The following SHROOM3 variants were observed in gnomAD, a reference collection of about 807,000 sequenced individuals.
The protein encoded by SHROOM3 is protein Shroom3.
SHROOM3 carries 47 observed loss-of-function variants against 138.6 expected under a neutral mutation model. The observed-to-expected ratio is 0.34, with a 90% CI of 0.27 to 0.43. The LOEUF (loss-of-function observed/expected upper bound fraction) is 0.43. Ranked by LOEUF, SHROOM3 falls within the 20% of genes least tolerant of loss-of-function variation. The pLI, the probability that SHROOM3 is intolerant of heterozygous loss-of-function variation, is 1.00. For missense variants in SHROOM3, 2,491 were observed against 2,596.5 expected, an observed-to-expected ratio of 0.96 and a Z score of 0.88; for synonymous variants, 1,062 against 1,063.3, an observed-to-expected ratio of 1.00 and a Z score of 0.02.
In SHROOM3 at chr4:76,710,207, C is replaced by T. The variant is rs755525934; in HGVS notation, c.375C>T (p.Val125=). Reference sequence around the variant, plus strand: ...CAGATACTGGTGCCTCTAACTTCGTCAGCCCAGAACACCTCACCTCTGGCC... The same window carrying T: ...CAGATACTGGTGCCTCTAACTTCGTTAGCCCAGAACACCTCACCTCTGGCC... ...GHADTGASNF[V]SPEHLTSGPQ... is the part of the protein sequence containing the mutation. Residue 125 remains valine, a synonymous_variant, in exon 3 of 11, where the codon GTC becomes GTT. Coordinates refer to ENST00000296043, the MANE Select transcript of SHROOM3 (RefSeq NM_020859.4). 2 of 1,614,070 alleles carry T rather than the reference C, an allele frequency of 1.2e-6. No homozygotes were observed. The highest frequency in any genetic ancestry group is 3.3e-5 in the Admixed American group (2 of 60,002).
At chr4:76,667,782 C>T (rs1442584720) in intron 2 of SHROOM3, among the ~76,000 whole-genome samples, 1 of 150,668 alleles carries the variant, frequency 6.6e-6, no homozygotes, top group Non-Finnish European at 1.5e-5. Context: ...TCCTGGCCAA[C>T]ACGCTGAAAC....
chr4:76,599,661 C>T (rs909298700), intron 2 of SHROOM3, among the ~76,000 whole-genome samples: 1 of 152,140 alleles, frequency 6.6e-6, no homozygotes, highest in Non-Finnish European at 1.5e-5. Context: ...GGTTTGAATT[C>T]CTAGTTCATC....
chr4:76,730,774 T>C (rs906034225), intron 3 of SHROOM3, 30 bp from the exon 4 acceptor site: 7 of 1,613,462 alleles, frequency 4.3e-6, no homozygotes, highest in Admixed American at 3.3e-5. Flanking sequence ...CTTTGGCTAA[T>C]GTTGGGGGGT....
intron 2 of SHROOM3, among the ~76,000 whole-genome samples, chr4:76,692,098 G>A (rs763295091): frequency 3.9e-5 from 6 of 152,190 alleles, no homozygotes; most frequent in Non-Finnish European, 7.3e-5. Flanking sequence ...TCACTGAGAG[G>A]GGTTCACTTT....
chr4:76,739,998 C>G lies in SHROOM3; in HGVS notation c.1825C>G (p.Gln609Glu). 6.2e-7 allele frequency: 1 copy of G among 1,614,050 alleles called. No individual in the cohort carries two copies. Among genetic ancestry groups the G allele is most frequent in the Non-Finnish European group, 8.5e-7 (1 of 1,180,046 alleles). Residue 609 changes from glutamine (Q) to glutamate (E), a missense_variant, in exon 5 of 11, where the codon CAG becomes GAG. Physicochemically the swap from Gln to Glu is conservative, Grantham distance 29 (BLOSUM62 2). This residue lies in a region of SHROOM3 where 1,733 missense variants were observed against 1,661.6 expected (regional missense o/e 1.04). Coordinates refer to ENST00000296043, the MANE Select transcript of SHROOM3 (RefSeq NM_020859.4). ...CCACAGCCTCAAATGCCCTCAGGCT[C>G]AGGCCTGGCAAGCGGGTGAAGACAA... ...HPHSLKCPQA[Q>E]AWQAGEDKRS...
intron 2 of SHROOM3, among the ~76,000 whole-genome samples, chr4:76,602,860 C>T (rs1330541795): frequency 6.6e-6 from 1 of 152,088 alleles, no homozygotes; most frequent in Non-Finnish European, 1.5e-5. Flanking sequence ...GTTTCCTTAT[C>T]TTCAAAATGA....
rs150742877 is a variant in SHROOM3, at chr4:76,533,008, G to A, written c.169-22601G>A. Among the ~76,000 whole-genome samples the A allele has an allele frequency of 2.2e-3, 339 of 152,314 alleles. 2 individuals carry two copies. The highest frequency in any genetic ancestry group is 7.8e-3 in the African/African-American group (323 of 41,572). On this transcript the variant is annotated intron_variant, in intron 1 of 10. Coordinates refer to ENST00000296043, the MANE Select transcript of SHROOM3 (RefSeq NM_020859.4). The stretch of plus-strand genomic sequence containing the variant: ...CTATAGTGTGGATACACTGGACAAA[G>A]GGAGGATTCACTTCCCTGGGCCCAG...
At chr4:76,585,211 G>C (rs1007036900) in intron 2 of SHROOM3, among the ~76,000 whole-genome samples, 7 of 152,078 alleles carry the variant, frequency 4.6e-5, no homozygotes, top group African/African-American at 1.7e-4. Flanking sequence ...GTGGGGAGGG[G>C]GGCATGCTCC....
intron 3 of SHROOM3, among the ~76,000 whole-genome samples, chr4:76,712,822 A>G (rs1720270397): frequency 6.6e-6 from 1 of 152,208 alleles, no homozygotes; most frequent in Admixed American, 6.5e-5. Context: ...AACATACTAG[A>G]GTGCACTTAC....
intron 2 of SHROOM3, among the ~76,000 whole-genome samples, chr4:76,700,775 T>C (rs1408602929): frequency 1.3e-5 from 2 of 151,686 alleles, no homozygotes; most frequent in Non-Finnish European, 1.5e-5. Flanking sequence ...TTTCTTTCTT[T>C]CTTTTATTTA....
At chr4:76,468,186 G>C (rs1389654133) in intron 1 of SHROOM3, among the ~76,000 whole-genome samples, 2 of 152,236 alleles carry the variant, frequency 1.3e-5, no homozygotes, top group East Asian at 3.8e-4. Context: ...GATTTGACAA[G>C]AGTGACGGAA....
chr4:76,646,248 A>ATATATATATATATATATATATATAT (rs1491297588), intron 2 of SHROOM3, among the ~76,000 whole-genome samples: 11 of 140,938 alleles, frequency 7.8e-5, no homozygotes, highest in Non-Finnish European at 7.7e-5. Flanking sequence ...ATATATATAT[A>ATATATATATATATATATATATATAT]AAATTAAAAA....
rs761344745 is a variant in SHROOM3, at chr4:76,555,589, G to A, written c.169-20G>A. ...AGGGGAAAGCTCACTCGTGGCTGTC[G>A]CATCTCTCCCTCCAAGCAGGTCGAA... is the stretch of plus-strand genomic sequence containing the variant. On this transcript the variant is annotated intron_variant, in intron 1 of 10. Coordinates refer to ENST00000296043, the MANE Select transcript of SHROOM3 (RefSeq NM_020859.4). 15 of 1,612,294 alleles carry A rather than the reference G, an allele frequency of 9.3e-6. No homozygotes were observed. Among genetic ancestry groups the A allele is most frequent in the Middle Eastern group, 2.0e-4 (1 of 5,002 alleles).
intron 2 of SHROOM3, among the ~76,000 whole-genome samples, chr4:76,581,904 A>G (rs1188868595): frequency 1.3e-5 from 2 of 152,212 alleles, no homozygotes; most frequent in Admixed American, 1.3e-4. Context: ...TACCCTCACC[A>G]TTGAGATTTA....
At chr4:76,604,977 T>C (rs2110057150) in intron 2 of SHROOM3, among the ~76,000 whole-genome samples, 1 of 152,320 alleles carries the variant, frequency 6.6e-6, no homozygotes, top group East Asian at 1.9e-4. Flanking sequence ...TTTCCCTGGA[T>C]TGAATTCCTC....
chr4:76,645,333 G>A (rs1488517249), intron 2 of SHROOM3: 1 of 152,144 alleles, frequency 6.6e-6, no homozygotes, highest in Non-Finnish European at 1.5e-5. Flanking sequence ...CCTCGAGTTT[G>A]ACCCTCAACA....
chr4:76,724,910 C>T (rs769307517), intron 3 of SHROOM3, among the ~76,000 whole-genome samples: 3 of 152,176 alleles, frequency 2.0e-5, no homozygotes, highest in Non-Finnish European at 2.9e-5. Flanking sequence ...AACTGGCCTT[C>T]ATTCAGGTTG....
At chr4:76,476,164 GACT>G (rs1731481146) in intron 1 of SHROOM3, among the ~76,000 whole-genome samples, 2 of 152,178 alleles carry the variant, frequency 1.3e-5, no homozygotes, top group Admixed American at 6.5e-5. Context: ...GGGAAAATGA[GACT>G]TGGGGGACTA....
At chr4:76,594,189 G>A (rs7654694) in intron 2 of SHROOM3, among the ~76,000 whole-genome samples, 15 of 152,192 alleles carry the variant, frequency 9.9e-5, no homozygotes, top group African/African-American at 3.4e-4. Context: ...GCTCTTAGCT[G>A]CTACATTGGA....
Sources: gnomAD v4.1 joint callset for allele counts (sites outside exome capture counted in the v4.1 genomes callset) on GRCh38, gnomAD v4.1.1 for gene constraint, gnomAD v4.1.1 regional missense constraint, MANE v1.5 for transcripts, NCBI Gene and HGNC (gene_info 2026-07-23, HGNC 2026-07-21) for gene names.